Variants in SOX6 observed in about 807,000 individuals in gnomAD.
SOX6 encodes the protein SRY-box transcription factor 6.
In SOX6, 11 loss-of-function variants were observed where a neutral mutation model predicts 97.8. The ratio of observed to expected loss-of-function variants is 0.11; its 90% CI spans 0.07 to 0.19. The LOEUF (loss-of-function observed/expected upper bound fraction) is 0.19, where lower values mean the gene tolerates loss of function less well. Ranked by LOEUF, SOX6 falls within the 10% of genes least tolerant of loss-of-function variation. The probability of loss-of-function intolerance (pLI) is 1.00; values close to 1 mark genes in which losing one functional copy is unlikely to be tolerated. For synonymous variants in SOX6, 360 were observed against 371.4 expected, an observed-to-expected ratio of 0.97 and a Z score of 0.35; for missense variants, 810 against 1,039.5, an observed-to-expected ratio of 0.78 and a Z score of 3.04.
At chr11:15,989,298 T>C (rs780088258) in intron 13 of SOX6, 68 bp from the exon 14 acceptor site, 85 of 1,356,628 alleles carry the variant, frequency 6.3e-5, no homozygotes, top group Non-Finnish European at 7.0e-5. Context: ...GTCACACAGC[T>C]TGCCGCCTGG....
At position 16,301,684 on chromosome 11, in the gene SOX6, G is replaced by C. The variant is rs149315862; in HGVS notation, c.445+16762C>G. 1.7e-4 allele frequency among the ~76,000 whole-genome samples: 26 copies of C among 152,126 alleles called. No individual in the cohort carries two copies. In the East Asian group the frequency reaches 4.8e-3, roughly 28 times the overall value. ...TCACTTCCCTTATTTTATATGAATAGAATGATAGATTATGGAGTTTCCACA... is the reference window on the plus strand; with the variant it reads ...TCACTTCCCTTATTTTATATGAATACAATGATAGATTATGGAGTTTCCACA... On this transcript the variant is annotated intron_variant, in intron 3 of 15. Transcript: ENST00000683767.
chr11:16,291,487 TTTG>T (rs944057448), intron 3 of SOX6, among the ~76,000 whole-genome samples: 31 of 151,970 alleles, frequency 2.0e-4, no homozygotes, highest in African/African-American at 7.0e-4. Context: ...CATTACGTTT[TTTG>T]TTGTTGTTGT....
intron 1 of SOX6, among the ~76,000 whole-genome samples, chr11:16,354,224 T>C (rs1271192518): frequency 6.6e-6 from 1 of 151,958 alleles, no homozygotes; most frequent in East Asian, 1.9e-4. Flanking sequence ...AGAGATTAAT[T>C]TGATATATGT....
chr11:16,173,470 T>C (rs1480487712), intron 6 of SOX6, among the ~76,000 whole-genome samples: 1 of 151,888 alleles, frequency 6.6e-6, no homozygotes, highest in Non-Finnish European at 1.5e-5. Flanking sequence ...CCCAAATTTG[T>C]AATACACTCT....
chr11:16,502,864 C>G (rs1860729341), intron 4 of SOX6, among the ~76,000 whole-genome samples: 2 of 152,118 alleles, frequency 1.3e-5, no homozygotes, highest in African/African-American at 2.4e-5. Flanking sequence ...ATATGAGAAG[C>G]TCAGAGATCC....
At chr11:16,634,712 A>T (rs1341543633) in intron 3 of SOX6, among the ~76,000 whole-genome samples, 1 of 151,976 alleles carries the variant, frequency 6.6e-6, no homozygotes, top group East Asian at 1.9e-4. Context: ...TTCCATTGTA[A>T]TGTTTAAATT....
At chr11:16,054,075 G>A (rs59355840) in intron 10 of SOX6, among the ~76,000 whole-genome samples, 3,653 of 152,204 alleles carry the variant, frequency 0.024, 145 homozygotes, top group African/African-American at 0.083. Context: ...ATGTGGTCAA[G>A]TGAGTAATAA....
chr11:16,042,119 T>C (rs1554920482), intron 12 of SOX6, among the ~76,000 whole-genome samples: 1 of 152,160 alleles, frequency 6.6e-6, no homozygotes, highest in Non-Finnish European at 1.5e-5. Context: ...GAAATGATCA[T>C]TGAGACTCAG....
intron 4 of SOX6, among the ~76,000 whole-genome samples, chr11:16,215,013 G>T (rs529060346): frequency 2.0e-5 from 3 of 152,220 alleles, no homozygotes; most frequent in Non-Finnish European, 4.4e-5. Context: ...CTCCCAAAGT[G>T]CTGGGATTAC....
intron 1 of SOX6, among the ~76,000 whole-genome samples, chr11:16,450,173 T>A (rs879383571): frequency 1.3e-5 from 2 of 152,082 alleles, no homozygotes; most frequent in African/African-American, 2.4e-5. Context: ...ATACTAAAAA[T>A]CCAGGTAACT....
At chr11:16,042,351 C>T (rs566190781) in intron 12 of SOX6, among the ~76,000 whole-genome samples, 4 of 152,232 alleles carry the variant, frequency 2.6e-5, no homozygotes, top group African/African-American at 7.2e-5. Context: ...CCAGCAGCAA[C>T]GGACACCATG....
chr11:16,592,991 A>G (rs1171185453), intron 4 of SOX6, among the ~76,000 whole-genome samples: 1 of 152,046 alleles, frequency 6.6e-6, no homozygotes, highest in Non-Finnish European at 1.5e-5. Flanking sequence ...AAAAGCAGAG[A>G]CCAGCTATGG....
intron 1 of SOX6, among the ~76,000 whole-genome samples, chr11:16,385,884 G>T (rs1387776345): frequency 2.0e-5 from 3 of 152,038 alleles, no homozygotes; most frequent in African/African-American, 7.2e-5. Context: ...TTCTCTCACA[G>T]TTCCTTTCCC....
intron 3 of SOX6, among the ~76,000 whole-genome samples, chr11:16,269,090 A>G (rs1854166195): frequency 6.7e-6 from 1 of 150,128 alleles, no homozygotes; most frequent in South Asian, 2.1e-4. Context: ...TCTTTTCTAT[A>G]GTATTAAGTA....
At chr11:16,702,776 C>A (rs1269743502) in intron 3 of SOX6, among the ~76,000 whole-genome samples, 10 of 152,066 alleles carry the variant, frequency 6.6e-5, no homozygotes, top group Non-Finnish European at 1.2e-4. Flanking sequence ...ATGTCCCAGG[C>A]ACCTTCAGAA....
rs571452888 is a variant in SOX6 at position 16,138,320 on chromosome 11, T to C, written c.778-26397A>G. 1.4e-3 allele frequency among the ~76,000 whole-genome samples: 212 copies of C among 152,224 alleles called. 1 individual carries two copies. The highest frequency in any genetic ancestry group is 4.8e-3 in the African/African-American group (198 of 41,556). ...CTAAATAAACAGTGCCTCATAAAGG[T>C]TAAGTCTAAAGAGTTTCTAAAAAGA... On this transcript the variant is annotated intron_variant, in intron 6 of 15. Coordinates refer to ENST00000683767, the MANE Select transcript of SOX6 (RefSeq NM_001367873.1).
chr11:16,228,346 G>T (rs2134167094), intron 4 of SOX6, among the ~76,000 whole-genome samples: 2 of 152,136 alleles, frequency 1.3e-5, no homozygotes, highest in South Asian at 2.1e-4. Context: ...ATATTAACTT[G>T]GTTTGAATCC....
At chr11:16,299,713 C>T (rs1308106051) in intron 3 of SOX6, among the ~76,000 whole-genome samples, 1 of 151,916 alleles carries the variant, frequency 6.6e-6, no homozygotes, top group Non-Finnish European at 1.5e-5. Flanking sequence ...TATGTTTTTC[C>T]CTTTTTACAA....
chr11:16,509,879 G>A (rs1023908215), intron 4 of SOX6, among the ~76,000 whole-genome samples: 2 of 151,878 alleles, frequency 1.3e-5, no homozygotes, highest in Non-Finnish European at 2.9e-5. Context: ...TCCTTTCTCT[G>A]TAAACACAAC....
Sources: allele counts gnomAD v4.1 joint callset (sites outside exome capture counted in the v4.1 genomes callset), GRCh38; gene constraint gnomAD v4.1.1; transcripts MANE v1.5; gene names NCBI Gene and HGNC (gene_info 2026-07-23, HGNC 2026-07-21).